The following GJB7 variants were observed in gnomAD, a reference collection of about 807,000 sequenced individuals.
The protein encoded by GJB7 is gap junction protein beta 7, also known as gap junction beta-7 protein.
For missense variants in GJB7, 253 were observed against 256.8 expected, an observed-to-expected ratio of 0.99 and a Z score of 0.10; for synonymous variants, 87 against 95.2, an observed-to-expected ratio of 0.91 and a Z score of 0.50.
At chr6:87,319,721 T>A (rs1169118107) in intron 2 of GJB7, among the ~76,000 whole-genome samples, 1 of 152,182 alleles carries the variant, frequency 6.6e-6, no homozygotes, top group African/African-American at 2.4e-5. Flanking sequence ...AGATATCTGC[T>A]CTCCCATGTT....
At chr6:87,293,083 G>A (rs1370056312) in intron 2 of GJB7, among the ~76,000 whole-genome samples, 2 of 152,178 alleles carry the variant, frequency 1.3e-5, no homozygotes, top group Non-Finnish European at 2.9e-5. Context: ...CTAGGCTAGA[G>A]TGCAGTGGCG....
intron 2 of GJB7, among the ~76,000 whole-genome samples, chr6:87,304,090 A>G (rs1245442555): frequency 1.3e-5 from 2 of 152,216 alleles, no homozygotes; most frequent in Non-Finnish European, 2.9e-5. Context: ...TCCAAAATTG[A>G]CACCCTAACA....
chr6:87,289,012 G>GA (rs912353922), intron 2 of GJB7, among the ~76,000 whole-genome samples: 1 of 152,114 alleles, frequency 6.6e-6, no homozygotes, highest in African/African-American at 2.4e-5. Context: ...GAGGGTAGGG[G>GA]AAAAAAGGCC....
intron 2 of GJB7, among the ~76,000 whole-genome samples, chr6:87,306,369 T>C (rs1488017498): frequency 6.6e-6 from 1 of 152,116 alleles, no homozygotes; most frequent in Non-Finnish European, 1.5e-5. Flanking sequence ...GCGAAGGACA[T>C]GAACAGACAC....
intron 1 of GJB7, among the ~76,000 whole-genome samples, chr6:87,324,020 G>T (rs1448128114): frequency 1.3e-5 from 2 of 150,088 alleles, no homozygotes; most frequent in African/African-American, 2.5e-5. Flanking sequence ...TTCTCTGATG[G>T]CCAGTGATGG....
intron 2 of GJB7, among the ~76,000 whole-genome samples, chr6:87,303,304 T>TA (rs1159299369): frequency 6.6e-6 from 1 of 152,010 alleles, no homozygotes; most frequent in African/African-American, 2.4e-5. Context: ...GAGACACACA[T>TA]ACGCTCAAAA....
In GJB7 at chr6:87,294,541, G is replaced by A. The variant is rs541227556; in HGVS notation, c.-27-9602C>T. 3.3e-5 allele frequency among the ~76,000 whole-genome samples: 5 copies of A among 152,364 alleles called. No homozygotes were observed. In the South Asian group the frequency reaches 8.3e-4, roughly 25 times the overall value. ...TGCATTGGGAACCATCACACATGTA[G>A]AACTGTGCTTTAAACTTGACCTTTA... is the stretch of plus-strand genomic sequence containing the variant. On this transcript the variant is annotated intron_variant, in intron 2 of 2. Transcript: ENST00000525899.
chr6:87,298,750 G>A (rs1359315142), intron 2 of GJB7: 3 of 218,530 alleles, frequency 1.4e-5, no homozygotes, highest in Non-Finnish European at 2.9e-5. Flanking sequence ...CCGCACCCAC[G>A]CCTCGCTGCC....
intron 2 of GJB7, among the ~76,000 whole-genome samples, chr6:87,306,273 A>C (rs1419361796): frequency 6.6e-6 from 1 of 152,174 alleles, no homozygotes; most frequent in Non-Finnish European, 1.5e-5. Flanking sequence ...TCCACAACCT[A>C]CTCATCTGAC....
intron 2 of GJB7, among the ~76,000 whole-genome samples, chr6:87,304,857 A>C (rs1465516004): frequency 1.3e-5 from 2 of 152,246 alleles, no homozygotes; most frequent in Non-Finnish European, 2.9e-5. Context: ...CCTGGTTTGC[A>C]AGGCTGGTTC....
chr6:87,287,022 C>A (rs1246203950), intron 2 of GJB7, among the ~76,000 whole-genome samples: 1 of 152,184 alleles, frequency 6.6e-6, no homozygotes, highest in Non-Finnish European at 1.5e-5. Flanking sequence ...TCTCTGGCTC[C>A]TAGCAGCTAG....
rs550476164 is a variant in GJB7, at chr6:87,303,740, T to A, written c.-27-18801A>T. Among the ~76,000 whole-genome samples, 6 of 152,302 alleles carry A rather than the reference T, an allele frequency of 3.9e-5. 2 individuals are homozygous for A. Among genetic ancestry groups the A allele is most frequent in the African/African-American group, 1.2e-4 (5 of 41,576 alleles). ...AATATACCTTCTTCTCAGCACTACG[T>A]TGCACTTATTCCAAAATTGACCTCA... On this transcript the variant is annotated intron_variant, in intron 2 of 2. Transcript: ENST00000525899.
intron 1 of GJB7, among the ~76,000 whole-genome samples, chr6:87,327,624 G>T (rs1252955895): frequency 1.4e-4 from 21 of 150,902 alleles, no homozygotes; most frequent in East Asian, 5.8e-4. Flanking sequence ...CAAGAGATCC[G>T]CTGTTAGTCT....
intron 2 of GJB7, among the ~76,000 whole-genome samples, chr6:87,290,833 G>T (rs987482454): frequency 6.6e-6 from 1 of 152,182 alleles, no homozygotes; most frequent in Non-Finnish European, 1.5e-5. Flanking sequence ...AGACAGTATG[G>T]CCCTCAAAAC....
intron 2 of GJB7, among the ~76,000 whole-genome samples, chr6:87,285,566 C>T (rs369178883): frequency 1.3e-5 from 2 of 152,204 alleles, no homozygotes; most frequent in African/African-American, 4.8e-5. Context: ...AATTTACCTT[C>T]TTTACCCAGT....
chr6:87,323,289 A>G (rs1169237765), intron 1 of GJB7, among the ~76,000 whole-genome samples: 3 of 150,806 alleles, frequency 2.0e-5, no homozygotes, highest in Non-Finnish European at 2.9e-5. Context: ...TTTATTTGTT[A>G]TTATTATAAG....
chr6:87,291,145 A>G (rs1375118916), intron 2 of GJB7, among the ~76,000 whole-genome samples: 2 of 152,158 alleles, frequency 1.3e-5, no homozygotes, highest in Non-Finnish European at 2.9e-5. Context: ...GGTTCTCTCA[A>G]TGAGCAGTGA....
chr6:87,321,831 C>T (rs1188051968), intron 2 of GJB7, among the ~76,000 whole-genome samples: 1 of 152,030 alleles, frequency 6.6e-6, no homozygotes, highest in African/African-American at 2.4e-5. Context: ...CACGTCTTAC[C>T]GTGGTGCAGG....
chr6:87,296,942 T>C (rs1719166527), intron 2 of GJB7, among the ~76,000 whole-genome samples: 1 of 152,240 alleles, frequency 6.6e-6, no homozygotes, highest in Admixed American at 6.5e-5. Context: ...AGATTTACCC[T>C]GAAGCTAATG....
Sources: gnomAD v4.1 joint callset for allele counts (sites outside exome capture counted in the v4.1 genomes callset) on GRCh38, gnomAD v4.1.1 for gene constraint, MANE v1.5 for transcripts, NCBI Gene and HGNC (gene_info 2026-07-23, HGNC 2026-07-21) for gene names.